DNAH7: variants seen among roughly 807,000 people sequenced by gnomAD.
The protein encoded by DNAH7 is dynein axonemal heavy chain 7.
A neutral mutation model predicts 444.6 loss-of-function variants in DNAH7; 397 were observed. The ratio of observed to expected loss-of-function variants is 0.89; its 90% CI spans 0.82 to 0.97. The LOEUF (loss-of-function observed/expected upper bound fraction) is 0.97. Ranked by LOEUF, DNAH7 falls within the 50% of genes least tolerant of loss-of-function variation. DNAH7 has a pLI of 0.00. For missense variants in DNAH7, 4,902 were observed against 4,800.8 expected, an observed-to-expected ratio of 1.02 and a Z score of -0.62; for synonymous variants, 1,636 against 1,624.4, an observed-to-expected ratio of 1.01 and a Z score of -0.17.
intron 9 of DNAH7, 78 bp downstream of exon 9, chr2:196,019,092 G>C (rs1695207006): frequency 7.7e-6 from 10 of 1,293,002 alleles, no homozygotes; most frequent in Admixed American, 2.9e-5. Context: ...AGTTAAAATA[G>C]TAAAAGAAAT....
chr2:195,858,160 CA>C (rs1277208389), intron 43 of DNAH7, among the ~76,000 whole-genome samples: 1 of 152,138 alleles, frequency 6.6e-6, no homozygotes, highest in East Asian at 1.9e-4. Context: ...CCCTTAGAAT[CA>C]AAATATAATC....
In DNAH7 at chr2:195,888,512, T is replaced by A. The variant is rs1474981776; in HGVS notation, c.5230-78A>T. On this transcript the variant is annotated intron_variant, in intron 32 of 64. Transcript: ENST00000312428. ...ATGATTTGGCACCTCTGTTTTTTTA[T>A]AACCTTCAGCAAAGTCTTGGGCGGG... 3.6e-6 allele frequency: 5 copies of A among 1,407,310 alleles called. No homozygotes were observed. In the South Asian group the frequency reaches 7.0e-5, roughly 20 times the overall value. 87.2% of individuals were successfully genotyped at this position (1,407,310 alleles called of 1,614,324 possible). A position where few individuals can be genotyped will look rare whatever the true frequency, so the allele number is the denominator to read the frequency against.
chr2:195,765,044 G>C (rs1247912663), intron 61 of DNAH7, among the ~76,000 whole-genome samples: 5 of 152,000 alleles, frequency 3.3e-5, no homozygotes, highest in African/African-American at 1.2e-4. Flanking sequence ...CAGACACACA[G>C]CCCAATAGAA....
intron 33 of DNAH7, 107 bp downstream of exon 33, chr2:195,888,151 A>C: frequency 1.1e-6 from 1 of 922,054 alleles, no homozygotes. Flanking sequence ...AAAGGTTTTG[A>C]TTTAATATCT....
At chr2:195,861,647 T>C in intron 42 of DNAH7, 70 bp downstream of exon 42, 1 of 981,052 alleles carries the variant, frequency 1.0e-6, no homozygotes, top group South Asian at 1.6e-5. Flanking sequence ...TTATATATTA[T>C]GTCGTTTTTG....
At chr2:196,064,348 T>TAAATAAATAAATA (rs377755167) in intron 1 of DNAH7, among the ~76,000 whole-genome samples, 8 of 34,020 alleles carry the variant, frequency 2.4e-4, no homozygotes, top group African/African-American at 4.3e-4. Flanking sequence ...AATAAATAAA[T>TAAATAAATAAATA]AATAAATAAT....
At chr2:195,863,116 T>G (rs1358378747) in intron 41 of DNAH7, among the ~76,000 whole-genome samples, 1 of 152,242 alleles carries the variant, frequency 6.6e-6, no homozygotes, top group Non-Finnish European at 1.5e-5. Context: ...CTTATTTGTC[T>G]GTAGACAAGA....
At chr2:195,787,852 G>A (rs570142212) in intron 57 of DNAH7, among the ~76,000 whole-genome samples, 10 of 152,252 alleles carry the variant, frequency 6.6e-5, no homozygotes, top group African/African-American at 2.2e-4. Context: ...CCCATCCAGT[G>A]GGAATCCCAA....
At chr2:195,739,358 CCTGT>C (rs1408075523) in intron 64 of DNAH7, among the ~76,000 whole-genome samples, 1 of 152,140 alleles carries the variant, frequency 6.6e-6, no homozygotes, top group Non-Finnish European at 1.5e-5. Flanking sequence ...GGGTTTTTAA[CCTGT>C]CTTTGAGCTG....
At chr2:195,938,896 C>T (rs1689235785) in intron 19 of DNAH7, among the ~76,000 whole-genome samples, 1 of 152,040 alleles carries the variant, frequency 6.6e-6, no homozygotes, top group African/African-American at 2.4e-5. Context: ...ACTACCTTTA[C>T]TCTCTCCCAG....
At position 195,895,048 on chromosome 2, in the gene DNAH7, A is replaced by G; in HGVS notation, c.4824T>C (p.Val1608=). The change falls in exon 30 of 65, where the codon GTT becomes GTC. Residue 1608 remains valine (V), a synonymous_variant. Transcript: ENST00000312428. ...MMIVRHGFMI[V]GEPFGGKTSA... is the part of the protein sequence containing the mutation. ...TAGTTTTTCCTCCAAATGGTTCTCC[A>G]ACAATCATAAAACCATGACGCACAA... 1.9e-6 allele frequency: 3 copies of G among 1,613,560 alleles called. No individual in the cohort carries two copies. Among genetic ancestry groups the G allele is most frequent in the Non-Finnish European group, 2.5e-6 (3 of 1,179,628 alleles).
intron 58 of DNAH7, among the ~76,000 whole-genome samples, chr2:195,782,187 T>C (rs951099925): frequency 5.9e-5 from 9 of 152,226 alleles, no homozygotes; most frequent in African/African-American, 2.2e-4. Context: ...TAACCAATTA[T>C]TCTAACTTCA....
intron 5 of DNAH7, among the ~76,000 whole-genome samples, chr2:196,033,824 A>C (rs1432007587): frequency 6.6e-6 from 1 of 152,210 alleles, no homozygotes; most frequent in African/African-American, 2.4e-5. Context: ...AGATTGCTAG[A>C]TCATATGGTA....
chr2:196,018,921 T>C (rs1695193096), intron 9 of DNAH7, among the ~76,000 whole-genome samples: 1 of 152,080 alleles, frequency 6.6e-6, no homozygotes, highest in Non-Finnish European at 1.5e-5. Flanking sequence ...CCAAAATATC[T>C]CATGTACCCC....
intron 19 of DNAH7, among the ~76,000 whole-genome samples, chr2:195,940,703 T>C (rs1053619793): frequency 6.7e-6 from 1 of 149,364 alleles, no homozygotes; most frequent in Non-Finnish European, 1.5e-5. Context: ...CATCAAAAAG[T>C]GGGTGAAGGA....
At chr2:195,801,312 A>T (rs1223462505) in intron 54 of DNAH7, among the ~76,000 whole-genome samples, 1 of 151,944 alleles carries the variant, frequency 6.6e-6, no homozygotes, top group Non-Finnish European at 1.5e-5. Context: ...ATATATATGC[A>T]CAAAATTGTC....
chr2:195,828,386 C>T (rs1332561158), intron 48 of DNAH7, among the ~76,000 whole-genome samples: 1 of 151,972 alleles, frequency 6.6e-6, no homozygotes, highest in African/African-American at 2.4e-5. Context: ...ACATCGAGAC[C>T]ATCCTGGCTA....
Position 196,068,741 on chromosome 2 carries a change from G to A in DNAH7, c.-30C>T. 6.5e-7 allele frequency: 1 copy of A among 1,550,134 alleles called. No homozygotes were observed. The highest frequency in any genetic ancestry group is 2.4e-5 in the East Asian group (1 of 41,014). On this transcript the variant is annotated 5_prime_UTR_variant, in exon 1 of 65. Coordinates refer to ENST00000312428, the MANE Select transcript of DNAH7 (RefSeq NM_018897.3). ...GCGAGGACGCGCTGGCCTCACCGGTGCTTCTGGGTTGCTCCTGCCCGCGGA... is the reference window on the plus strand; with the variant it reads ...GCGAGGACGCGCTGGCCTCACCGGTACTTCTGGGTTGCTCCTGCCCGCGGA...
chr2:196,040,467 A>AG, intron 5 of DNAH7, among the ~76,000 whole-genome samples: 1 of 152,310 alleles, frequency 6.6e-6, no homozygotes, highest in South Asian at 2.1e-4. Context: ...CCAAAGAAAG[A>AG]GAAACCATAC....
Sources: gnomAD v4.1 joint callset for allele counts (sites outside exome capture counted in the v4.1 genomes callset) on GRCh38, gnomAD v4.1.1 for gene constraint, MANE v1.5 for transcripts, NCBI Gene and HGNC (gene_info 2026-07-23, HGNC 2026-07-21) for gene names.